ANKRD17: variants seen among roughly 807,000 people sequenced by gnomAD.
ANKRD17 encodes ankyrin repeat domain 17.
A neutral mutation model predicts 229.7 loss-of-function variants in ANKRD17; 19 were observed. That is an observed-to-expected ratio of 0.08 (90% CI 0.06 to 0.12). ANKRD17 has a LOEUF of 0.12. Ranked by LOEUF, ANKRD17 falls within the 10% of genes least tolerant of loss-of-function variation. ANKRD17 has a pLI of 1.00. For synonymous variants in ANKRD17, 1,112 were observed against 1,146.1 expected, an observed-to-expected ratio of 0.97 and a Z score of 0.60; for missense variants, 2,176 against 3,176.8, an observed-to-expected ratio of 0.68 and a Z score of 7.57.
In ANKRD17 at chr4:73,258,342, GCCGCCGCCACCTCCGCCTCCA is replaced by G. The variant is rs776646080; in HGVS notation, c.306_326del (p.Gly104_Gly110del). The G allele has an allele frequency of 7.6e-5, 122 of 1,612,540 alleles. No individual in the cohort carries two copies. Among genetic ancestry groups the G allele is most frequent in the Non-Finnish European group, 1.0e-4 (121 of 1,179,758 alleles). ...CCTCGCTGTTGTTACTGCTGGTGCC[GCCGCCGCCACCTCCGCCTCCA>G]CCGCCGCCTCCACCGCCGCCGCTGT... On this transcript the variant is annotated inframe_deletion, in exon 1 of 34. Transcript: ENST00000358602.
intron 1 of ANKRD17, chr4:73,223,148 T>A: frequency 9.1e-6 from 10 of 1,097,004 alleles, no homozygotes; most frequent in Non-Finnish European, 1.3e-5. Flanking sequence ...TAAAGCAGCT[T>A]AGCTGTTCAC....
intron 1 of ANKRD17, among the ~76,000 whole-genome samples, chr4:73,203,650 C>T (rs982547045): frequency 3.2e-4 from 47 of 146,390 alleles, no homozygotes; most frequent in Non-Finnish European, 1.3e-4. Flanking sequence ...CCCAGCTACT[C>T]GGGAGGCTGA....
intron 7 of ANKRD17, 38 bp downstream of exon 7, chr4:73,151,392 A>T: frequency 6.3e-7 from 1 of 1,579,090 alleles, no homozygotes; most frequent in Non-Finnish European, 8.7e-7. Flanking sequence ...CTCCCTGGTT[A>T]ATATATAAAC....
intron 2 of ANKRD17, among the ~76,000 whole-genome samples, chr4:73,163,876 T>C (rs149811764): frequency 6.6e-6 from 1 of 152,288 alleles, no homozygotes; most frequent in East Asian, 1.9e-4. Flanking sequence ...AAAACTAACA[T>C]AGCAAATGTT....
At chr4:73,167,234 T>A (rs1443729146) in intron 2 of ANKRD17, among the ~76,000 whole-genome samples, 2 of 152,110 alleles carry the variant, frequency 1.3e-5, no homozygotes, top group Non-Finnish European at 2.9e-5. Context: ...CTCTTAGATT[T>A]GTATGTGAGA....
intron 1 of ANKRD17, among the ~76,000 whole-genome samples, chr4:73,194,087 T>A (rs1021765115): frequency 1.3e-5 from 2 of 152,358 alleles, no homozygotes; most frequent in Non-Finnish European, 2.9e-5. Flanking sequence ...CTTTTTAGTA[T>A]CTTCTGAAGA....
At chr4:73,198,404 T>A (rs1396181600) in intron 1 of ANKRD17, among the ~76,000 whole-genome samples, 1 of 152,218 alleles carries the variant, frequency 6.6e-6, no homozygotes, top group East Asian at 1.9e-4. Context: ...AATGGCTCTG[T>A]GTTTCACTTG....
chr4:73,213,319 T>C (rs180780634), intron 1 of ANKRD17, among the ~76,000 whole-genome samples: 1 of 152,184 alleles, frequency 6.6e-6, no homozygotes, highest in Admixed American at 6.5e-5. Context: ...AATCAAAGAG[T>C]TAGGCTGGCA....
At chr4:73,126,270 C>T (rs896004643) in intron 16 of ANKRD17, among the ~76,000 whole-genome samples, 9 of 152,038 alleles carry the variant, frequency 5.9e-5, no homozygotes, top group African/African-American at 2.2e-4. Flanking sequence ...GAAATTATCC[C>T]AGGCCAGGAA....
At position 73,111,150 on chromosome 4, in the gene ANKRD17, G is replaced by GTA. The variant is rs1344371089; in HGVS notation, c.4401+2640_4401+2641dup. Reference sequence around the variant, plus strand: ...GAAACCTTGGATAGTACTGGACCCTGTATATATATGTTTTTTCAAAGAAAC... The same window carrying GTA: ...GAAACCTTGGATAGTACTGGACCCTGTATATATATATGTTTTTTCAAAGAAAC... On this transcript the variant is annotated intron_variant, in intron 24 of 33. Coordinates refer to ENST00000358602, the MANE Select transcript of ANKRD17 (RefSeq NM_032217.5). 5.3e-5 allele frequency among the ~76,000 whole-genome samples: 8 copies of GTA among 152,048 alleles called. 1 individual carries two copies. The highest frequency in any genetic ancestry group is 2.1e-4 in the South Asian group (1 of 4,820).
chr4:73,197,014 T>C (rs1241815246), intron 1 of ANKRD17, among the ~76,000 whole-genome samples: 5 of 152,100 alleles, frequency 3.3e-5, no homozygotes, highest in Admixed American at 2.0e-4. Flanking sequence ...ATCCCATAAT[T>C]TATTTGGTTA....
intron 1 of ANKRD17, among the ~76,000 whole-genome samples, chr4:73,249,156 T>C (rs1476694958): frequency 1.3e-5 from 2 of 152,202 alleles, no homozygotes; most frequent in South Asian, 2.1e-4. Context: ...ACTTCCAAAA[T>C]AGGTTTCAAT....
intron 1 of ANKRD17, among the ~76,000 whole-genome samples, chr4:73,241,515 T>C (rs1237557505): frequency 6.6e-6 from 1 of 152,168 alleles, no homozygotes; most frequent in Non-Finnish European, 1.5e-5. Context: ...AAAAGAGGTA[T>C]GTACTAAATT....
chr4:73,164,561 C>A (rs1458643027), intron 2 of ANKRD17, among the ~76,000 whole-genome samples: 1 of 152,002 alleles, frequency 6.6e-6, no homozygotes, highest in Non-Finnish European at 1.5e-5. Context: ...TACTACTTGG[C>A]GGGTGGATTT....
chr4:73,145,952 A>G (rs1730231629), intron 10 of ANKRD17, among the ~76,000 whole-genome samples: 1 of 152,162 alleles, frequency 6.6e-6, no homozygotes. Context: ...TGAAGGAAAG[A>G]GCACAGTTGC....
At chr4:73,178,292 T>TA (rs1734995727) in intron 1 of ANKRD17, among the ~76,000 whole-genome samples, 1 of 152,126 alleles carries the variant, frequency 6.6e-6, no homozygotes, top group Admixed American at 6.6e-5. Flanking sequence ...ACCTCACATC[T>TA]AAAAAAATTG....
intron 1 of ANKRD17, among the ~76,000 whole-genome samples, chr4:73,226,069 A>T (rs1742459653): frequency 7.7e-6 from 1 of 129,676 alleles, no homozygotes; most frequent in African/African-American, 3.0e-5. Context: ...TCCGTCTCCC[A>T]GGTTCAAGCA....
chr4:73,147,814 C>G (rs1730487237), intron 8 of ANKRD17, among the ~76,000 whole-genome samples: 1 of 151,936 alleles, frequency 6.6e-6, no homozygotes, highest in African/African-American at 2.4e-5. Context: ...ATTTCCCAGG[C>G]AATATCAAAG....
At chr4:73,129,582 T>C (rs1727914016) in intron 16 of ANKRD17, among the ~76,000 whole-genome samples, 1 of 151,888 alleles carries the variant, frequency 6.6e-6, no homozygotes, top group Non-Finnish European at 1.5e-5. Flanking sequence ...CCAGAAGTGG[T>C]GTGCAATGCC....
Sources: gnomAD v4.1 joint callset for allele counts (sites outside exome capture counted in the v4.1 genomes callset) on GRCh38, gnomAD v4.1.1 for gene constraint, MANE v1.5 for transcripts, NCBI Gene and HGNC (gene_info 2026-07-23, HGNC 2026-07-21) for gene names.